HYDIN: variants seen among roughly 807,000 people sequenced by gnomAD.
HYDIN encodes the protein HYDIN axonemal central pair apparatus protein.
In HYDIN, 132 loss-of-function variants were observed where a neutral mutation model predicts 403.9. That is an observed-to-expected ratio of 0.33 (90% CI 0.28 to 0.38). The LOEUF is 0.38. Among genes scored for constraint, HYDIN ranks in the 10% least tolerant of loss-of-function variants. HYDIN has a pLI of 1.00. For missense variants in HYDIN, 2,827 were observed against 5,009.5 expected (o/e 0.56, Z 13.15); for synonymous variants, 1,202 against 1,891.7 (o/e 0.64, Z 9.46).
intron 44 of HYDIN, among the ~76,000 whole-genome samples, chr16:70,938,205 T>G (rs2502723): frequency 0.54 from 80,409 of 148,710 alleles, 16,173 homozygotes; most frequent in Non-Finnish European, 0.63. Context: ...CCCAGGTCAA[T>G]AGAGTGGACC....
chr16:70,967,201 G>C (rs183995265), intron 36 of HYDIN, among the ~76,000 whole-genome samples: 1 of 152,184 alleles, frequency 6.6e-6, no homozygotes, highest in South Asian at 2.1e-4. Flanking sequence ...GGGGGGAGCT[G>C]CTGGAACACA....
chr16:70,832,718 CAG>C, intron 80 of HYDIN, 128 bp downstream of exon 80: 1 of 633,744 alleles, frequency 1.6e-6, no homozygotes, highest in Non-Finnish European at 2.8e-6. Flanking sequence ...AATATTCCAG[CAG>C]TGGAAACGGT....
At chr16:70,985,116 G>A (rs931615902) in intron 28 of HYDIN, 69 bp downstream of exon 28, 38 of 1,340,382 alleles carry the variant, frequency 2.8e-5, no homozygotes, top group Admixed American at 6.2e-5. Context: ...AATCCTGGTC[G>A]TGAATACTCA....
At chr16:71,078,442 C>G (rs888245520) in intron 13 of HYDIN, among the ~76,000 whole-genome samples, 42 of 152,086 alleles carry the variant, frequency 2.8e-4, no homozygotes, top group Non-Finnish European at 4.6e-4. Context: ...GTTTTTACTG[C>G]CTTAAATATC....
At chr16:70,846,643 GT>G (rs1238687631) in intron 75 of HYDIN, among the ~76,000 whole-genome samples, 2 of 80,234 alleles carry the variant, frequency 2.5e-5, no homozygotes, top group African/African-American at 1.0e-4. Context: ...ACAGTGGGGT[GT>G]TAAAGTCTCC....
chr16:70,900,249 G>C (rs2076328990), intron 53 of HYDIN, among the ~76,000 whole-genome samples: 1 of 151,864 alleles, frequency 6.6e-6, no homozygotes, highest in Admixed American at 6.6e-5. Flanking sequence ...GCCGAGGCAG[G>C]AGGATCACTT....
chr16:71,036,826 G>C (rs371837936), intron 18 of HYDIN, among the ~76,000 whole-genome samples: 1 of 152,130 alleles, frequency 6.6e-6, no homozygotes, highest in Non-Finnish European at 1.5e-5. Context: ...TATCATCCTT[G>C]TGTCTCTTTG....
chr16:71,061,806 C>T (rs2082089380), intron 17 of HYDIN, among the ~76,000 whole-genome samples: 1 of 150,760 alleles, frequency 6.6e-6, no homozygotes, highest in African/African-American at 2.4e-5. Flanking sequence ...TGCTGGCTTC[C>T]TCCCCTCAGA....
In HYDIN at chr16:71,101,976, T is replaced by C. The variant is rs1366395396; in HGVS notation, c.1328-8041A>G. 2.0e-5 allele frequency among the ~76,000 whole-genome samples: 3 copies of C among 152,102 alleles called. No homozygotes were observed. In the East Asian group the frequency reaches 5.8e-4, roughly 29 times the overall value. On this transcript the variant is annotated intron_variant, in intron 10 of 85. Transcript: ENST00000393567. The stretch of plus-strand genomic sequence containing the variant: ...GTCCAACTGGATAGGAATTTTTATA[T>C]ATTCAAATAATAGAATATTAACTGT...
Position 70,834,979 on chromosome 16 carries a change from TATATATATATATACACAC to T in HYDIN, c.13401+679_13401+696del, listed in dbSNP as rs1230926616. Reference sequence around the variant, plus strand: ...ATATATACACACATATATGTGTGTATATATATATATATACACACATATATATATACACACACATATATA... The same window carrying T: ...ATATATACACACATATATGTGTGTATATATATATATACACACACATATATA... On this transcript the variant is annotated intron_variant, in intron 78 of 85. Transcript: ENST00000393567. Among the ~76,000 whole-genome samples, 3 of 90,886 alleles carry T rather than the reference TATATATATATATACACAC, an allele frequency of 3.3e-5. No homozygotes were observed. In the African/African-American group the frequency reaches 4.1e-4, roughly 12 times the overall value. 59.6% of individuals were successfully genotyped at this position (90,886 alleles called of 152,430 possible).
chr16:70,813,583 G>A (rs1037029423), intron 84 of HYDIN, among the ~76,000 whole-genome samples: 1 of 152,076 alleles, frequency 6.6e-6, no homozygotes, highest in Non-Finnish European at 1.5e-5. Context: ...GTAAATGTCT[G>A]TTGTTTTAAG....
At position 70,892,507 on chromosome 16, in the gene HYDIN, T is replaced by C; in HGVS notation, c.9271A>G (p.Ile3091Val). The C allele has an allele frequency of 4.4e-6, 7 of 1,603,430 alleles. No homozygotes were observed. The highest frequency in any genetic ancestry group is 5.1e-6 in the Non-Finnish European group (6 of 1,175,992). The part of the protein sequence containing the change: ...AFSFSVDSVG[I>V]STPNINSMIS... Reference sequence around the variant, plus strand: ...ATGGAATTTATATTAGGTGTTGAAATCCCTACAGAGTCCACGGAAAAGCTG... The same window carrying C: ...ATGGAATTTATATTAGGTGTTGAAACCCCTACAGAGTCCACGGAAAAGCTG... The change falls in exon 56 of 86, where the codon ATT becomes GTT. Residue 3091 changes from isoleucine (I) to valine (V), a missense_variant. By Grantham distance (29) the Ile-to-Val change is conservative. Transcript: ENST00000393567.
intron 5 of HYDIN, among the ~76,000 whole-genome samples, chr16:71,168,923 C>T (rs1311050173): frequency 1.3e-5 from 2 of 152,172 alleles, no homozygotes; most frequent in Non-Finnish European, 2.9e-5. Flanking sequence ...TAAATTAGTA[C>T]AGCCATTATG....
At chr16:71,125,902 T>C (rs569253630) in intron 9 of HYDIN, among the ~76,000 whole-genome samples, 1 of 151,554 alleles carries the variant, frequency 6.6e-6, no homozygotes, top group Admixed American at 6.5e-5. Context: ...TGACCCTTCC[T>C]GCACTGGGCA....
At chr16:70,997,043 C>T (rs1422755397) in intron 23 of HYDIN, among the ~76,000 whole-genome samples, 1 of 150,858 alleles carries the variant, frequency 6.6e-6, no homozygotes, top group Non-Finnish European at 1.5e-5. Context: ...TGATGGGAGA[C>T]AGTGACAGAT....
At chr16:71,222,293 T>A (rs868572053) in intron 1 of HYDIN, among the ~76,000 whole-genome samples, 6 of 152,308 alleles carry the variant, frequency 3.9e-5, no homozygotes, top group African/African-American at 1.4e-4. Context: ...CACCCCTTTA[T>A]GGTAAAAACC....
intron 80 of HYDIN, among the ~76,000 whole-genome samples, chr16:70,831,123 C>T (rs2036951417): frequency 6.6e-6 from 1 of 150,556 alleles, no homozygotes; most frequent in Non-Finnish European, 1.5e-5. Context: ...TTTTTTAGGC[C>T]AAGAAACTGG....
At chr16:71,193,071 C>T (rs2144684415) in intron 1 of HYDIN, among the ~76,000 whole-genome samples, 1 of 152,310 alleles carries the variant, frequency 6.6e-6, no homozygotes, top group East Asian at 1.9e-4. Flanking sequence ...GCATATGCCC[C>T]TCTAATTAAA....
intron 58 of HYDIN, among the ~76,000 whole-genome samples, chr16:70,884,735 C>CAAAACAAAAT (rs2041025384): frequency 6.8e-6 from 1 of 148,080 alleles, no homozygotes; most frequent in Admixed American, 6.7e-5. Flanking sequence ...CAAAACAAAA[C>CAAAACAAAAT]AGGATGTTGG....
Sources: gnomAD v4.1 joint callset for allele counts (sites outside exome capture counted in the v4.1 genomes callset) on GRCh38, gnomAD v4.1.1 for gene constraint, MANE v1.5 for transcripts, NCBI Gene and HGNC (gene_info 2026-07-23, HGNC 2026-07-21) for gene names.